Variants in ZNF827 observed in about 807,000 individuals in gnomAD.
ZNF827 encodes the protein zinc finger protein 827.
ZNF827 carries 13 observed loss-of-function variants against 102.4 expected under a neutral mutation model. That is an observed-to-expected ratio of 0.13 (90% CI 0.08 to 0.20). The LOEUF (loss-of-function observed/expected upper bound fraction) is 0.20, where lower values mean the gene tolerates loss of function less well. Ranked by LOEUF, ZNF827 falls within the 10% of genes least tolerant of loss-of-function variation. The pLI, the probability that ZNF827 is intolerant of heterozygous loss-of-function variation, is 1.00. For synonymous variants in ZNF827, 523 were observed against 536.2 expected, an observed-to-expected ratio of 0.98 and a Z score of 0.34; for missense variants, 1,103 against 1,344.4, an observed-to-expected ratio of 0.82 and a Z score of 2.81.
chr4:145,885,548 G>T, intron 4 of ZNF827, 130 bp downstream of exon 4: 1 of 1,306,562 alleles, frequency 7.7e-7, no homozygotes. Context: ...AATTTAAAGG[G>T]ACCTTGAAAT....
intron 5 of ZNF827, among the ~76,000 whole-genome samples, chr4:145,857,478 C>T (rs1220258478): frequency 6.6e-6 from 1 of 152,138 alleles, no homozygotes; most frequent in Non-Finnish European, 1.5e-5. Context: ...TGCAACAGGT[C>T]CTCGACTGAG....
At chr4:145,905,217 G>A (rs1261569918) in intron 1 of ZNF827, among the ~76,000 whole-genome samples, 1 of 152,216 alleles carries the variant, frequency 6.6e-6, no homozygotes, top group African/African-American at 2.4e-5. Flanking sequence ...TTCAATGTAT[G>A]TGTAGGGATT....
chr4:145,826,943 TG>T (rs1743744303), intron 7 of ZNF827, among the ~76,000 whole-genome samples: 1 of 152,138 alleles, frequency 6.6e-6, no homozygotes, highest in South Asian at 2.1e-4. Context: ...GATGGGATTT[TG>T]CCTTGTTGGC....
At chr4:145,791,787 C>G (rs566455619) in intron 8 of ZNF827, among the ~76,000 whole-genome samples, 1 of 152,280 alleles carries the variant, frequency 6.6e-6, no homozygotes, top group South Asian at 2.1e-4. Flanking sequence ...ATTTAACTCT[C>G]TTAACAAAAG....
At position 145,779,515 on chromosome 4, in the gene ZNF827, G is replaced by A. The variant is rs779388323; in HGVS notation, c.2384-4C>T. The A allele has an allele frequency of 6.2e-7, 1 of 1,611,644 alleles. No homozygotes were observed. Among genetic ancestry groups the A allele is most frequent in the Non-Finnish European group, 8.5e-7 (1 of 1,179,184 alleles). On this transcript the variant is annotated splice_polypyrimidine_tract_variant and splice_region_variant and intron_variant, in intron 8 of 14. Transcript: ENST00000508784. Reference sequence around the variant, plus strand: ...TCTAGGACTATCTTTTCTGTTTCTGGGTCAAAAGAACAAAGCATCATGAGA... The same window carrying A: ...TCTAGGACTATCTTTTCTGTTTCTGAGTCAAAAGAACAAAGCATCATGAGA...
Position 145,938,333 on chromosome 4 carries a change from G to A in ZNF827, c.43+32C>T, listed in dbSNP as rs200501483. On this transcript the variant is annotated intron_variant, in intron 1 of 14. Coordinates refer to ENST00000508784, the MANE Select transcript of ZNF827 (RefSeq NM_001306215.2). Reference sequence around the variant, plus strand: ...AGAGGAGAGGGAGGGCGAGAAAATGGCACGAGAGGAGGTGGAGAAGGGATG... The same window carrying A: ...AGAGGAGAGGGAGGGCGAGAAAATGACACGAGAGGAGGTGGAGAAGGGATG... 384 of 1,613,616 alleles carry A rather than the reference G, an allele frequency of 2.4e-4. 1 individual carries two copies. The highest frequency in any genetic ancestry group is 6.5e-4 in the Admixed American group (39 of 60,020).
chr4:145,913,506 G>A (rs1752447775), intron 1 of ZNF827, among the ~76,000 whole-genome samples: 1 of 146,500 alleles, frequency 6.8e-6, no homozygotes, highest in African/African-American at 2.5e-5. Context: ...CAAACAAAAA[G>A]ATATACTCAT....
intron 6 of ZNF827, among the ~76,000 whole-genome samples, chr4:145,846,401 C>T (rs1266503091): frequency 6.6e-6 from 1 of 151,838 alleles, no homozygotes; most frequent in Non-Finnish European, 1.5e-5. Flanking sequence ...TGGCGTGAAC[C>T]CGGGAGGCGG....
intron 8 of ZNF827, among the ~76,000 whole-genome samples, chr4:145,781,268 A>G (rs1054857580): frequency 1.3e-5 from 2 of 151,256 alleles, no homozygotes; most frequent in African/African-American, 4.9e-5. Context: ...TGGGTCAGAG[A>G]TAACATCAGA....
chr4:145,923,236 C>G (rs1461224248), intron 1 of ZNF827, among the ~76,000 whole-genome samples: 1 of 152,130 alleles, frequency 6.6e-6, no homozygotes, highest in Non-Finnish European at 1.5e-5. Flanking sequence ...TGAATATTCA[C>G]AATTATCTGA....
Position 145,903,225 on chromosome 4 carries a change from A to T in ZNF827, c.44-10T>A. On this transcript the variant is annotated splice_polypyrimidine_tract_variant and intron_variant, in intron 1 of 14. Transcript: ENST00000508784. ...TCCTGCCTACTAACATCTGGGGAGAATTAAGAAGATCAGGTTTACTCCCAA... is the reference window on the plus strand; with the variant it reads ...TCCTGCCTACTAACATCTGGGGAGATTTAAGAAGATCAGGTTTACTCCCAA... 6.3e-7 allele frequency: 1 copy of T among 1,595,090 alleles called. No individual in the cohort carries two copies. Among genetic ancestry groups the T allele is most frequent in the East Asian group, 2.2e-5 (1 of 44,566 alleles).
chr4:145,938,346 TGGA>T lies in ZNF827; in HGVS notation c.43+16_43+18del. The T allele has an allele frequency of 6.2e-7, 1 of 1,612,970 alleles. No individual in the cohort carries two copies. The highest frequency in any genetic ancestry group is 8.5e-7 in the Non-Finnish European group (1 of 1,179,716). ...GGCGAGAAAATGGCACGAGAGGAGG[TGGA>T]GAAGGGATGACTTACGTGAGGGAAG... On this transcript the variant is annotated intron_variant, in intron 1 of 14. Coordinates refer to ENST00000508784, the MANE Select transcript of ZNF827 (RefSeq NM_001306215.2).
intron 7 of ZNF827, among the ~76,000 whole-genome samples, chr4:145,835,925 G>A (rs1347184965): frequency 6.6e-5 from 10 of 151,306 alleles, no homozygotes; most frequent in Middle Eastern, 3.4e-3. Flanking sequence ...TATCCACCCC[G>A]TGGTGCCAAA....
intron 6 of ZNF827, among the ~76,000 whole-genome samples, chr4:145,848,569 G>C (rs1462333403): frequency 1.3e-5 from 2 of 152,144 alleles, no homozygotes. Flanking sequence ...CAAGGTATTT[G>C]TATGTATTTC....
At chr4:145,836,573 C>G (rs1244299756) in intron 7 of ZNF827, among the ~76,000 whole-genome samples, 1 of 152,204 alleles carries the variant, frequency 6.6e-6, no homozygotes, top group African/African-American at 2.4e-5. Context: ...CCCACAATTA[C>G]CATTGTTCCT....
intron 5 of ZNF827, 26 bp from the exon 6 acceptor site, chr4:145,849,587 C>G (rs759645748): frequency 7.5e-6 from 12 of 1,610,456 alleles, no homozygotes; most frequent in Admixed American, 5.0e-5. Flanking sequence ...TGAAGAGAAA[C>G]AAAAACACCA....
chr4:145,830,731 T>C (rs1744127468), intron 7 of ZNF827: 1 of 152,234 alleles, frequency 6.6e-6, no homozygotes, highest in African/African-American at 2.4e-5. Context: ...CTACATATTT[T>C]TGTAAAAAAA....
chr4:145,931,649 T>G (rs1401679307), intron 1 of ZNF827, among the ~76,000 whole-genome samples: 2 of 152,226 alleles, frequency 1.3e-5, no homozygotes, highest in East Asian at 3.9e-4. Context: ...TCACTCAGAA[T>G]GGAGAGATTA....
At chr4:145,841,046 T>C (rs774908536) in intron 7 of ZNF827, among the ~76,000 whole-genome samples, 10 of 152,372 alleles carry the variant, frequency 6.6e-5, no homozygotes, top group Admixed American at 2.6e-4. Flanking sequence ...AGGCAAACTC[T>C]TCCTTGCTTT....
Sources: gnomAD v4.1 joint callset for allele counts (sites outside exome capture counted in the v4.1 genomes callset) on GRCh38, gnomAD v4.1.1 for gene constraint, MANE v1.5 for transcripts, NCBI Gene and HGNC (gene_info 2026-07-23, HGNC 2026-07-21) for gene names.